The following JPH3 variants were observed in gnomAD, a reference collection of about 807,000 sequenced individuals.
JPH3 encodes junctophilin 3, also known as junctophilin-3.
Under a neutral mutation model 59.6 loss-of-function variants are expected in JPH3, and 11 were observed. The observed-to-expected ratio is 0.18, with a 90% CI of 0.12 to 0.31. JPH3 has a LOEUF of 0.31. Ranked by LOEUF, JPH3 falls within the 10% of genes least tolerant of loss-of-function variation. The probability of loss-of-function intolerance (pLI) is 1.00; values close to 1 mark genes in which losing one functional copy is unlikely to be tolerated. For missense variants in JPH3, 1,202 were observed against 1,105.7 expected (o/e 1.09, Z -1.24); for synonymous variants, 673 against 483.6 (o/e 1.39, Z -5.14).
At chr16:87,605,848 C>T (rs1230044793) in intron 1 of JPH3, among the ~76,000 whole-genome samples, 1 of 152,232 alleles carries the variant, frequency 6.6e-6, no homozygotes, top group Non-Finnish European at 1.5e-5. Flanking sequence ...TTGTCAACAT[C>T]CTCTCAAGGG....
chr16:87,610,625 C>T (rs989476586), intron 1 of JPH3, among the ~76,000 whole-genome samples: 4 of 152,122 alleles, frequency 2.6e-5, no homozygotes, highest in African/African-American at 4.8e-5. Context: ...AAAGTTTTTC[C>T]GTGAGACCCT....
intron 2 of JPH3, among the ~76,000 whole-genome samples, chr16:87,661,976 G>T (rs60087305): frequency 0.077 from 11,771 of 152,236 alleles, 1,522 homozygotes; most frequent in African/African-American, 0.26. Context: ...TCACAGATTC[G>T]TCCTGTTATT....
chr16:87,688,877 A>G (rs933297834), intron 3 of JPH3, among the ~76,000 whole-genome samples: 3 of 152,242 alleles, frequency 2.0e-5, no homozygotes, highest in East Asian at 3.9e-4. Flanking sequence ...ATCCCAGTCA[A>G]TGTTCTTGGT....
Position 87,687,610 on chromosome 16 carries a change from C to T in JPH3, c.1286-2036C>T, listed in dbSNP as rs117310588. Among the ~76,000 whole-genome samples the T allele has an allele frequency of 2.4e-3, 365 of 151,420 alleles. 9 individuals are homozygous for T. In the East Asian group the frequency reaches 0.055, roughly 23 times the overall value. ...ACTGAGCGTCGGAGGCTGCAGGACG[C>T]AGGTGGCTTGAAGGCACAGGAAGAA... On this transcript the variant is annotated intron_variant, in intron 3 of 4. Transcript: ENST00000284262.
intron 4 of JPH3, chr16:87,695,514 G>A (rs2033793711): frequency 2.2e-6 from 1 of 454,720 alleles, no homozygotes. Context: ...CCAGGTGGCT[G>A]CGAGATGCAG....
intron 2 of JPH3, among the ~76,000 whole-genome samples, chr16:87,673,561 T>C (rs763675158): frequency 6.6e-6 from 1 of 152,176 alleles, no homozygotes; most frequent in Non-Finnish European, 1.5e-5. Flanking sequence ...CTGTGAATTC[T>C]AATAGGAGAA....
chr16:87,619,871 C>G (rs555368827), intron 1 of JPH3, among the ~76,000 whole-genome samples: 39 of 152,220 alleles, frequency 2.6e-4, no homozygotes, highest in Non-Finnish European at 4.7e-4. Flanking sequence ...CTGGAGATGC[C>G]TTCTAGGGAG....
At chr16:87,692,376 T>TCC (rs1379990991) in intron 4 of JPH3, among the ~76,000 whole-genome samples, 3 of 152,148 alleles carry the variant, frequency 2.0e-5, no homozygotes, top group Non-Finnish European at 4.4e-5. Flanking sequence ...GGGACAGGTG[T>TCC]CAGGGCAGTC....
At chr16:87,635,658 G>C (rs889560006) in intron 1 of JPH3, among the ~76,000 whole-genome samples, 6 of 152,368 alleles carry the variant, frequency 3.9e-5, no homozygotes, top group Middle Eastern at 6.8e-3. Context: ...GGACGCAGCT[G>C]TGGCTCGAGT....
At chr16:87,675,495 C>T (rs12448169) in intron 2 of JPH3, among the ~76,000 whole-genome samples, 13,692 of 152,196 alleles carry the variant, frequency 0.09, 676 homozygotes, top group Middle Eastern at 0.13. Context: ...ACCAGGTAAG[C>T]GGGCAGATGA....
chr16:87,637,720 G>T (rs147781171), intron 1 of JPH3, among the ~76,000 whole-genome samples: 4 of 152,150 alleles, frequency 2.6e-5, no homozygotes, highest in African/African-American at 9.6e-5. Flanking sequence ...TCCGCCTCGT[G>T]GTGCCCTGGG....
At chr16:87,658,820 G>A (rs1049561324) in intron 2 of JPH3, among the ~76,000 whole-genome samples, 1 of 152,244 alleles carries the variant, frequency 6.6e-6, no homozygotes, top group Non-Finnish European at 1.5e-5. Flanking sequence ...GGCTTGCTGT[G>A]GGGCTGGTGC....
intron 3 of JPH3, 149 bp from the exon 4 acceptor site, chr16:87,689,497 A>ACTCCC (rs1164459786): frequency 8.6e-5 from 68 of 790,398 alleles, no homozygotes; most frequent in East Asian, 2.6e-4. Context: ...CACGGTCCCC[A>ACTCCC]CTCCCCTCCC....
At chr16:87,657,026 T>G (rs556962830) in intron 2 of JPH3, among the ~76,000 whole-genome samples, 4 of 152,186 alleles carry the variant, frequency 2.6e-5, no homozygotes, top group African/African-American at 9.6e-5. Context: ...TAACCTTAAT[T>G]ACCTCCTTAA....
At chr16:87,657,692 C>T (rs142743310) in intron 2 of JPH3, among the ~76,000 whole-genome samples, 16 of 152,326 alleles carry the variant, frequency 1.1e-4, no homozygotes, top group Non-Finnish European at 2.2e-4. Flanking sequence ...GCCAGTCCAT[C>T]TCTGGGGTGT....
intron 2 of JPH3, among the ~76,000 whole-genome samples, chr16:87,671,325 C>T (rs1446804592): frequency 6.6e-6 from 1 of 152,174 alleles, no homozygotes; most frequent in Admixed American, 6.5e-5. Context: ...GCCCACACGC[C>T]ACCACTGCCC....
intron 2 of JPH3, among the ~76,000 whole-genome samples, chr16:87,677,436 C>A (rs2033180661): frequency 6.6e-6 from 1 of 152,092 alleles, no homozygotes; most frequent in Non-Finnish European, 1.5e-5. Flanking sequence ...AAAAACTCGC[C>A]CACCAGGTAC....
chr16:87,692,031 G>C (rs934373593), intron 4 of JPH3, among the ~76,000 whole-genome samples: 3 of 152,096 alleles, frequency 2.0e-5, no homozygotes, highest in Non-Finnish European at 4.4e-5. Flanking sequence ...ATGAGTTAGC[G>C]ACACGCAGGG....
At chr16:87,630,021 C>T (rs987646614) in intron 1 of JPH3, among the ~76,000 whole-genome samples, 21 of 152,272 alleles carry the variant, frequency 1.4e-4, no homozygotes, top group African/African-American at 5.1e-4. Context: ...CACATGAACC[C>T]ATGTGGAGAG....
Sources: allele counts gnomAD v4.1 joint callset (sites outside exome capture counted in the v4.1 genomes callset), GRCh38; gene constraint gnomAD v4.1.1; transcripts MANE v1.5; gene names NCBI Gene and HGNC (gene_info 2026-07-23, HGNC 2026-07-21).